WWOX: variants seen among roughly 807,000 people sequenced by gnomAD.
WWOX encodes WW domain containing oxidoreductase, also known as WW domain-containing oxidoreductase.
A neutral mutation model predicts 46.2 loss-of-function variants in WWOX; 69 were observed. The ratio of observed to expected loss-of-function variants is 1.49; its 90% CI spans 1.23 to 1.82. The LOEUF is 1.82. Ranked by LOEUF, WWOX falls within the 40% of genes most tolerant of loss-of-function variation. The pLI is 0.00. For missense variants in WWOX, 919 were observed against 542.6 expected (o/e 1.69, Z -6.89); for synonymous variants, 359 against 202.6 (o/e 1.77, Z -6.56).
rs535505965 is a variant in WWOX, at chr16:79,208,350, A to T, written c.1057-3258A>T. Among the ~76,000 whole-genome samples the T allele has an allele frequency of 4.0e-5, 6 of 150,716 alleles. No homozygotes were observed. In the South Asian group the frequency reaches 1.3e-3, roughly 32 times the overall value. The stretch of plus-strand genomic sequence containing the variant: ...TTCCCATGATTAGCAACCATATACA[A>T]CCTACAGGCTTCTGATAAATGATTG... On this transcript the variant is annotated intron_variant, in intron 8 of 8. Coordinates refer to ENST00000566780, the MANE Select transcript of WWOX (RefSeq NM_016373.4).
intron 8 of WWOX, among the ~76,000 whole-genome samples, chr16:78,594,197 T>C (rs1310717133): frequency 2.0e-5 from 3 of 151,946 alleles, no homozygotes; most frequent in Non-Finnish European, 4.4e-5. Context: ...AGGGCCTTTT[T>C]AACCCCATAT....
chr16:78,275,859 G>T (rs531338801), intron 5 of WWOX, among the ~76,000 whole-genome samples: 1 of 152,204 alleles, frequency 6.6e-6, no homozygotes, highest in Non-Finnish European at 1.5e-5. Context: ...CCCAAAGTGG[G>T]ACCTGGAGTC....
At chr16:79,192,342 C>CCCAT (rs2051153679) in intron 8 of WWOX, among the ~76,000 whole-genome samples, 2 of 151,652 alleles carry the variant, frequency 1.3e-5, no homozygotes, top group South Asian at 4.2e-4. Context: ...CATTCATCCA[C>CCCAT]CCATCCATTC....
At chr16:78,181,532 C>T (rs368484430) in intron 5 of WWOX, among the ~76,000 whole-genome samples, 4 of 152,090 alleles carry the variant, frequency 2.6e-5, no homozygotes, top group East Asian at 1.9e-4. Flanking sequence ...AAACTAAGGC[C>T]GGAGCGGGTG....
Position 78,775,139 on chromosome 16 carries a change from TG to T in WWOX, c.1056+342389del, listed in dbSNP as rs552114526. On this transcript the variant is annotated intron_variant, in intron 8 of 8. Transcript: ENST00000566780. The stretch of plus-strand genomic sequence containing the variant: ...ATGTGGCTGTATTTTTAGAAGTGTC[TG>T]GTTCCTGAAATACCTCAATTCCTTT... 1.7e-4 allele frequency among the ~76,000 whole-genome samples: 26 copies of T among 152,334 alleles called. No homozygotes were observed. The East Asian group carries it at 4.4e-3, about 26-fold the overall frequency.
intron 8 of WWOX, among the ~76,000 whole-genome samples, chr16:79,131,031 C>G (rs1430630042): frequency 1.3e-5 from 2 of 152,190 alleles, no homozygotes; most frequent in Non-Finnish European, 2.9e-5. Context: ...TATATCACAA[C>G]CAGAACACAC....
chr16:78,386,905 C>A lies in WWOX; in HGVS notation c.562C>A (p.Arg188Ser), dbSNP rs199511589. 4.6e-4 allele frequency: 740 copies of A among 1,613,984 alleles called. 1 individual carries two copies. The highest frequency in any genetic ancestry group is 5.8e-4 in the Non-Finnish European group (687 of 1,180,008). The part of the protein sequence containing the change: ...EAMTLDLALL[R>S]SVQHFAEAFK... ...AATGACCCTGGACCTCGCTCTGCTCCGTAGCGTGCAGCATTTTGCTGAAGC... is the reference window on the plus strand; with the variant it reads ...AATGACCCTGGACCTCGCTCTGCTCAGTAGCGTGCAGCATTTTGCTGAAGC... The change falls in exon 6 of 9, where the codon CGT (arginine) becomes AGT (serine). Residue 188 changes from arginine to serine, a missense_variant. Physicochemically the swap from Arg to Ser is moderately radical, Grantham distance 110. Coordinates refer to ENST00000566780, the MANE Select transcript of WWOX (RefSeq NM_016373.4).
intron 8 of WWOX, among the ~76,000 whole-genome samples, chr16:78,923,935 G>T (rs2045439329): frequency 6.6e-6 from 1 of 151,844 alleles, no homozygotes; most frequent in Non-Finnish European, 1.5e-5. Context: ...GAGCAGCTGG[G>T]AGTACAGGTG....
At chr16:78,677,668 T>A (rs183739739) in intron 8 of WWOX, among the ~76,000 whole-genome samples, 270 of 152,324 alleles carry the variant, frequency 1.8e-3, no homozygotes, top group Middle Eastern at 3.4e-3. Context: ...ACTTTTTCCA[T>A]CTCTGGTCTC....
chr16:79,125,741 C>T (rs998021364), intron 8 of WWOX, among the ~76,000 whole-genome samples: 30 of 152,346 alleles, frequency 2.0e-4, no homozygotes, highest in African/African-American at 6.7e-4. Context: ...AGCTTTGGGG[C>T]AGTGCCAGGA....
chr16:79,013,586 C>A (rs775107260), intron 8 of WWOX, among the ~76,000 whole-genome samples: 1 of 152,166 alleles, frequency 6.6e-6, no homozygotes, highest in Non-Finnish European at 1.5e-5. Context: ...TACTGTCTTC[C>A]ACCGGGACAG....
At chr16:78,175,998 A>G (rs1352904303) in intron 5 of WWOX, among the ~76,000 whole-genome samples, 3 of 152,114 alleles carry the variant, frequency 2.0e-5, no homozygotes, top group South Asian at 2.1e-4. Context: ...CAACACTTTT[A>G]AAACATACCT....
At chr16:78,775,851 C>G (rs1009905430) in intron 8 of WWOX, among the ~76,000 whole-genome samples, 3 of 152,124 alleles carry the variant, frequency 2.0e-5, no homozygotes, top group African/African-American at 7.2e-5. Flanking sequence ...CCGTTTTAAC[C>G]CTGTCTTATT....
intron 8 of WWOX, among the ~76,000 whole-genome samples, chr16:78,952,662 GTATGAGCCA>G (rs1291241466): frequency 6.6e-6 from 1 of 152,118 alleles, no homozygotes; most frequent in African/African-American, 2.4e-5. Context: ...GGGTTTACAG[GTATGAGCCA>G]CCACACCTGG....
chr16:78,878,165 T>C (rs2044271233), intron 8 of WWOX, among the ~76,000 whole-genome samples: 1 of 152,124 alleles, frequency 6.6e-6, no homozygotes, highest in Non-Finnish European at 1.5e-5. Flanking sequence ...GCTTCCGAGG[T>C]GGTGCTGCAT....
At chr16:78,527,990 C>CTT (rs1348624411) in intron 8 of WWOX, among the ~76,000 whole-genome samples, 3 of 57,950 alleles carry the variant, frequency 5.2e-5, no homozygotes, top group East Asian at 7.3e-4. Flanking sequence ...TGGTACATGT[C>CTT]CTTTTTTTTT....
intron 8 of WWOX, among the ~76,000 whole-genome samples, chr16:79,132,007 A>G (rs1393538063): frequency 2.0e-5 from 3 of 152,054 alleles, no homozygotes; most frequent in Non-Finnish European, 2.9e-5. Context: ...CACCCCCATG[A>G]TTCAGTTGTC....
At chr16:78,427,185 A>T (rs919095297) in intron 7 of WWOX, among the ~76,000 whole-genome samples, 1 of 152,144 alleles carries the variant, frequency 6.6e-6, no homozygotes, top group Admixed American at 6.6e-5. Context: ...ACCTTGGCAG[A>T]ATCTCTTCGT....
intron 8 of WWOX, among the ~76,000 whole-genome samples, chr16:78,606,414 G>A (rs938020450): frequency 6.6e-6 from 1 of 151,922 alleles, no homozygotes; most frequent in Non-Finnish European, 1.5e-5. Flanking sequence ...TAGAATGTGG[G>A]CTACATGCTT....
Sources: allele counts gnomAD v4.1 joint callset (sites outside exome capture counted in the v4.1 genomes callset), GRCh38; gene constraint gnomAD v4.1.1; transcripts MANE v1.5; gene names NCBI Gene and HGNC (gene_info 2026-07-23, HGNC 2026-07-21).